SYT1: variants seen among roughly 807,000 people sequenced by gnomAD.
SYT1 encodes synaptotagmin-1.
SYT1 carries 8 observed loss-of-function variants against 44.8 expected under a neutral mutation model. The observed-to-expected ratio is 0.18, with a 90% CI of 0.10 to 0.32. The LOEUF is 0.32. Among genes scored for constraint, SYT1 ranks in the 10% least tolerant of loss-of-function variants. The pLI is 1.00. For missense variants in SYT1, 286 were observed against 509.3 expected (o/e 0.56, Z 4.22); for synonymous variants, 154 against 188.8 (o/e 0.82, Z 1.51).
chr12:79,160,707 G>A (rs887796271), intron 3 of SYT1, among the ~76,000 whole-genome samples: 3 of 152,138 alleles, frequency 2.0e-5, no homozygotes, highest in African/African-American at 7.2e-5. Flanking sequence ...AGTTGAAAAT[G>A]TGGTCTATAT....
At chr12:79,353,741 CT>C in intron 9 of SYT1, 122 bp downstream of exon 9, 1 of 753,942 alleles carries the variant, frequency 1.3e-6, no homozygotes, top group Non-Finnish European at 2.3e-6. Flanking sequence ...CCTATGGAGC[CT>C]GGAAGCAGTC....
chr12:79,201,973 G>A (rs1397419989), intron 3 of SYT1, among the ~76,000 whole-genome samples: 3 of 152,114 alleles, frequency 2.0e-5, no homozygotes, highest in Non-Finnish European at 2.9e-5. Flanking sequence ...CCAACTGCCT[G>A]TAGAATGACT....
intron 2 of SYT1, among the ~76,000 whole-genome samples, chr12:78,988,351 CTTGT>C (rs1869796974): frequency 6.7e-6 from 1 of 148,660 alleles, no homozygotes; most frequent in Admixed American, 6.8e-5. Context: ...ACATAGATAT[CTTGT>C]TTATTATCTA....
intron 9 of SYT1, among the ~76,000 whole-genome samples, chr12:79,367,923 C>T (rs1883616036): frequency 1.3e-5 from 2 of 151,574 alleles, no homozygotes; most frequent in Admixed American, 6.6e-5. Flanking sequence ...TATTATTATA[C>T]TTTAAGTTTT....
intron 4 of SYT1, among the ~76,000 whole-genome samples, chr12:79,244,333 G>C (rs897882074): frequency 6.6e-6 from 1 of 152,074 alleles, no homozygotes; most frequent in Admixed American, 6.5e-5. Flanking sequence ...TTCTTTCATA[G>C]TTCTTTTGCA....
At chr12:79,420,536 T>G (rs1039553623) in intron 9 of SYT1, among the ~76,000 whole-genome samples, 2 of 152,112 alleles carry the variant, frequency 1.3e-5, no homozygotes, top group African/African-American at 4.8e-5. Flanking sequence ...AAGCTGAAAG[T>G]TACCTCCAGC....
chr12:79,230,815 C>T (rs1182986937), intron 4 of SYT1, among the ~76,000 whole-genome samples: 1 of 152,138 alleles, frequency 6.6e-6, no homozygotes, highest in Non-Finnish European at 1.5e-5. Flanking sequence ...AGCTACATTC[C>T]ATTAGCATTT....
At chr12:79,108,062 A>T (rs902725298) in intron 3 of SYT1, among the ~76,000 whole-genome samples, 5 of 152,042 alleles carry the variant, frequency 3.3e-5, no homozygotes, top group African/African-American at 1.2e-4. Context: ...GAACAATCAA[A>T]GTAGAAAGAC....
chr12:79,180,444 T>C (rs553091405), intron 3 of SYT1, among the ~76,000 whole-genome samples: 4 of 149,072 alleles, frequency 2.7e-5, no homozygotes, highest in Non-Finnish European at 5.9e-5. Flanking sequence ...CACATTGTTA[T>C]AAAGAAGTAT....
intron 1 of SYT1, among the ~76,000 whole-genome samples, chr12:78,899,007 G>A (rs912581679): frequency 6.6e-6 from 1 of 151,916 alleles, no homozygotes; most frequent in African/African-American, 2.4e-5. Context: ...TACATCTTTA[G>A]TGAGTGTCTA....
intron 4 of SYT1, among the ~76,000 whole-genome samples, chr12:79,230,599 C>G (rs1274534494): frequency 6.6e-6 from 1 of 152,104 alleles, no homozygotes; most frequent in African/African-American, 2.4e-5. Context: ...TCAACATTCT[C>G]TATTCAAGGT....
At chr12:79,366,859 G>A (rs1883563310) in intron 9 of SYT1, among the ~76,000 whole-genome samples, 1 of 151,786 alleles carries the variant, frequency 6.6e-6, no homozygotes, top group African/African-American at 2.4e-5. Context: ...GGCTCCAGGA[G>A]AATGTGTGTT....
intron 9 of SYT1, among the ~76,000 whole-genome samples, chr12:79,398,293 T>C (rs1001727997): frequency 6.6e-6 from 1 of 152,224 alleles, no homozygotes; most frequent in African/African-American, 2.4e-5. Flanking sequence ...TGCTCTGAGT[T>C]CATAGCAGTA....
At chr12:79,254,149 C>T (rs1877384960) in intron 4 of SYT1, among the ~76,000 whole-genome samples, 2 of 152,172 alleles carry the variant, frequency 1.3e-5, no homozygotes, top group South Asian at 4.1e-4. Flanking sequence ...TTTCATAGGA[C>T]TTTCATAGCT....
chr12:79,369,047 T>C (rs573805021), intron 9 of SYT1, among the ~76,000 whole-genome samples: 10 of 152,314 alleles, frequency 6.6e-5, no homozygotes, highest in Admixed American at 6.5e-4. Flanking sequence ...AATTGCTAAA[T>C]TTGCCCATAT....
chr12:79,432,486 T>C (rs1042794369), intron 9 of SYT1, among the ~76,000 whole-genome samples: 2 of 152,014 alleles, frequency 1.3e-5, no homozygotes, highest in African/African-American at 4.8e-5. Flanking sequence ...TCCTTGAACA[T>C]TATCACTTTT....
intron 3 of SYT1, among the ~76,000 whole-genome samples, chr12:79,215,081 A>G (rs893924666): frequency 6.6e-6 from 1 of 152,102 alleles, no homozygotes; most frequent in Non-Finnish European, 1.5e-5. Flanking sequence ...CAAAACTTCA[A>G]AGTTTTCCAG....
intron 1 of SYT1, among the ~76,000 whole-genome samples, chr12:78,883,386 A>G (rs1423697105): frequency 6.6e-6 from 1 of 151,654 alleles, no homozygotes; most frequent in African/African-American, 2.4e-5. Flanking sequence ...ACTCACTTAT[A>G]TATTTCTTTT....
intron 1 of SYT1, among the ~76,000 whole-genome samples, chr12:78,883,307 G>A (rs1015213433): frequency 1.2e-4 from 18 of 151,762 alleles, no homozygotes; most frequent in Admixed American, 1.2e-3. Flanking sequence ...CACATACTAA[G>A]TAGTACTTAA....
Sources: allele counts gnomAD v4.1 joint callset (sites outside exome capture counted in the v4.1 genomes callset), GRCh38; gene constraint gnomAD v4.1.1; transcripts MANE v1.5; gene names NCBI Gene and HGNC (gene_info 2026-07-23, HGNC 2026-07-21).